Variants in MGAT4A observed in about 807,000 individuals in gnomAD.
The protein encoded by MGAT4A is N-acetylglucosaminyltransferase IVa.
MGAT4A carries 33 observed loss-of-function variants against 74.1 expected under a neutral mutation model. That is an observed-to-expected ratio of 0.45 (90% confidence interval 0.34 to 0.60). MGAT4A has a LOEUF of 0.60. Ranked by LOEUF, MGAT4A falls within the 20% of genes least tolerant of loss-of-function variation. The probability of loss-of-function intolerance (pLI) is 0.02; values close to 1 mark genes in which losing one functional copy is unlikely to be tolerated. For missense variants in MGAT4A, 479 were observed against 628.3 expected, an observed-to-expected ratio of 0.76 and a Z score of 2.54; for synonymous variants, 198 against 210.4, an observed-to-expected ratio of 0.94 and a Z score of 0.51.
chr2:98,651,235 G>C (rs1701574841), intron 8 of MGAT4A, among the ~76,000 whole-genome samples: 1 of 152,118 alleles, frequency 6.6e-6, no homozygotes, highest in Admixed American at 6.6e-5. Flanking sequence ...AAACTCCCTG[G>C]TAAAGGTAAA....
At position 98,621,850 on chromosome 2, in the gene MGAT4A, CCTT is replaced by C. The variant is rs1196801414; in HGVS notation, c.*3713_*3715del. On this transcript the variant is annotated 3_prime_UTR_variant, in exon 16 of 16. Coordinates refer to ENST00000393487, the MANE Select transcript of MGAT4A (RefSeq NM_012214.3). The stretch of plus-strand genomic sequence containing the variant: ...GCTTATAGTTTTAAAAATAACAACA[CCTT>C]CTAATTATTGACTAGTGCAACCACT... The C allele has an allele frequency of 2.0e-6, 2 of 1,021,600 alleles. No individual in the cohort carries two copies. The highest frequency in any genetic ancestry group is 9.4e-5 in the East Asian group (1 of 10,634). 63.3% of individuals were successfully genotyped at this position (1,021,600 alleles called of 1,614,324 possible).
At chr2:98,711,569 C>T (rs765171856) in intron 2 of MGAT4A, among the ~76,000 whole-genome samples, 11 of 151,692 alleles carry the variant, frequency 7.3e-5, no homozygotes, top group Non-Finnish European at 1.6e-4. Context: ...GGTAGTTTTA[C>T]AATATTTGTG....
chr2:98,678,656 T>C (rs989097761), intron 2 of MGAT4A, among the ~76,000 whole-genome samples, 185 bp from the exon 3 acceptor site: 2 of 152,186 alleles, frequency 1.3e-5, no homozygotes, highest in Non-Finnish European at 2.9e-5. Context: ...CTCTTATTAT[T>C]TGTAAGAATG....
intron 2 of MGAT4A, among the ~76,000 whole-genome samples, chr2:98,707,887 C>A (rs1163137215): frequency 6.6e-6 from 1 of 152,206 alleles, no homozygotes; most frequent in Non-Finnish European, 1.5e-5. Flanking sequence ...TTAATCCAAA[C>A]AGTGAGACAT....
intron 5 of MGAT4A, among the ~76,000 whole-genome samples, chr2:98,658,964 T>G (rs1173535060): frequency 6.6e-6 from 1 of 152,244 alleles, no homozygotes; most frequent in African/African-American, 2.4e-5. Flanking sequence ...ATTTACTGAA[T>G]GCCTACTCTA....
At chr2:98,729,228 C>T (rs913364834) in intron 1 of MGAT4A, among the ~76,000 whole-genome samples, 15 of 151,322 alleles carry the variant, frequency 9.9e-5, no homozygotes, top group Non-Finnish European at 1.8e-4. Context: ...ACAATAAATT[C>T]TACTAGCAAA....
chr2:98,678,753 A>G (rs1158302818), intron 2 of MGAT4A, among the ~76,000 whole-genome samples: 1 of 152,198 alleles, frequency 6.6e-6, no homozygotes, highest in Non-Finnish European at 1.5e-5. Context: ...GATGGATAAA[A>G]TGATAAAAGG....
At position 98,624,139 on chromosome 2, in the gene MGAT4A, A is replaced by G. The variant is rs1276727438; in HGVS notation, c.*1427T>C. On this transcript the variant is annotated 3_prime_UTR_variant, in exon 16 of 16. Coordinates refer to ENST00000393487, the MANE Select transcript of MGAT4A (RefSeq NM_012214.3). ...GCCATTCTCCTGCCTCAGCCTCCCA[A>G]GTAGCTGGGATTACAGGCACCTGCC... 1 of 642,606 alleles carries G rather than the reference A, an allele frequency of 1.6e-6. No individual in the cohort carries two copies. Among genetic ancestry groups the G allele is most frequent in the African/African-American group, 2.0e-5 (1 of 50,422 alleles). 39.8% of individuals were successfully genotyped at this position (642,606 alleles called of 1,614,324 possible).
chr2:98,623,557 T>C lies in MGAT4A; in HGVS notation c.*2009A>G. On this transcript the variant is annotated 3_prime_UTR_variant, in exon 16 of 16. Transcript: ENST00000393487. Reference sequence around the variant, plus strand: ...TTGAATGAAATTTGCTCATGGGCACTGGGCCAAGGAAATTTGAGAAGAAAA... The same window carrying C: ...TTGAATGAAATTTGCTCATGGGCACCGGGCCAAGGAAATTTGAGAAGAAAA... 1.0e-6 allele frequency: 1 copy of C among 985,400 alleles called. No homozygotes were observed. The highest frequency in any genetic ancestry group is 6.1e-5 in the Admixed American group (1 of 16,280). The allele number at this position is 985,400 out of a possible 1,614,324, so 61.0% of individuals were successfully genotyped here.
chr2:98,631,567 G>A (rs760868928), intron 14 of MGAT4A, among the ~76,000 whole-genome samples: 2 of 152,228 alleles, frequency 1.3e-5, no homozygotes, highest in African/African-American at 2.4e-5. Context: ...ACGGGCGGGC[G>A]GAAGAGCACA....
Position 98,656,378 on chromosome 2 carries a change from T to C in MGAT4A, c.672A>G (p.Thr224=), listed in dbSNP as rs113150612. The part of the protein sequence containing the change: ...YYPDLTNLKE[T]FGDSKERVRW... ...TTACTCTTTCTTTGGAGTCTCCAAATGTCTCCTTTAGGTTTGTCAAGTCAG... is the reference window on the plus strand; with the variant it reads ...TTACTCTTTCTTTGGAGTCTCCAAACGTCTCCTTTAGGTTTGTCAAGTCAG... Residue 224 remains threonine, a synonymous_variant, in exon 7 of 16, where the codon ACA becomes ACG. Coordinates refer to ENST00000393487, the MANE Select transcript of MGAT4A (RefSeq NM_012214.3). 1.2e-6 allele frequency: 2 copies of C among 1,608,216 alleles called. No individual in the cohort carries two copies. Among genetic ancestry groups the C allele is most frequent in the African/African-American group, 1.3e-5 (1 of 74,754 alleles).
chr2:98,729,542 C>CA (rs1421628565), intron 1 of MGAT4A, among the ~76,000 whole-genome samples: 2 of 152,002 alleles, frequency 1.3e-5, no homozygotes, highest in Non-Finnish European at 2.9e-5. Context: ...TTAACAACAA[C>CA]AAAAAAAGGT....
chr2:98,726,419 A>G lies in MGAT4A; in HGVS notation c.-87T>C. On this transcript the variant is annotated 5_prime_UTR_variant, in exon 2 of 16. Transcript: ENST00000393487. Reference sequence around the variant, plus strand: ...TTTACCCTGAAAGTCAACTGAATGCAGTACTCCTGGCTCTAGGCCAATAAA... The same window carrying G: ...TTTACCCTGAAAGTCAACTGAATGCGGTACTCCTGGCTCTAGGCCAATAAA... The G allele has an allele frequency of 9.3e-7, 1 of 1,073,078 alleles. No homozygotes were observed. The allele number at this position is 1,073,078 out of a possible 1,614,324, so 66.5% of individuals were successfully genotyped here. A position where few individuals can be genotyped will look rare whatever the true frequency, so the allele number is the denominator to read the frequency against.
intron 14 of MGAT4A, among the ~76,000 whole-genome samples, chr2:98,632,716 C>G (rs1701259026): frequency 6.6e-6 from 1 of 152,170 alleles, no homozygotes; most frequent in Non-Finnish European, 1.5e-5. Flanking sequence ...GGAGTGACAC[C>G]TTGCTTTAGG....
At chr2:98,630,326 A>G (rs1299674375) in intron 14 of MGAT4A, among the ~76,000 whole-genome samples, 1 of 152,258 alleles carries the variant, frequency 6.6e-6, no homozygotes, top group Non-Finnish European at 1.5e-5. Context: ...GGAAGAAACC[A>G]AACTGTAGAC....
At chr2:98,680,416 T>C (rs1011374233) in intron 2 of MGAT4A, among the ~76,000 whole-genome samples, 1 of 152,230 alleles carries the variant, frequency 6.6e-6, no homozygotes, top group Non-Finnish European at 1.5e-5. Context: ...AACAGACTTA[T>C]GAAAAATGAA....
At chr2:98,697,633 T>G (rs1702295626) in intron 2 of MGAT4A, among the ~76,000 whole-genome samples, 1 of 152,256 alleles carries the variant, frequency 6.6e-6, no homozygotes, top group Non-Finnish European at 1.5e-5. Flanking sequence ...TCTCTCTGTC[T>G]TTGCAGCTTC....
intron 2 of MGAT4A, chr2:98,725,949 A>G (rs1559178197): frequency 2.4e-6 from 1 of 408,870 alleles, no homozygotes; most frequent in East Asian, 3.4e-5. Context: ...TGCCAAAACG[A>G]AAGTCTTTAT....
At position 98,672,280 on chromosome 2, in the gene MGAT4A, TG is replaced by T. The variant is rs1701921402; in HGVS notation, c.403+2754del. Among the ~76,000 whole-genome samples the T allele has an allele frequency of 3.3e-5, 5 of 152,300 alleles. No homozygotes were observed. The South Asian group carries it at 1.0e-3, about 32-fold the overall frequency. ...GTAATTAAAGTTATAATTATACAGTTGTTTGTATAATTGACTATGTGACTAA... is the reference window on the plus strand; with the variant it reads ...GTAATTAAAGTTATAATTATACAGTTTTTGTATAATTGACTATGTGACTAA... On this transcript the variant is annotated intron_variant, in intron 4 of 15. Coordinates refer to ENST00000393487, the MANE Select transcript of MGAT4A (RefSeq NM_012214.3).
Sources: allele counts gnomAD v4.1 joint callset (sites outside exome capture counted in the v4.1 genomes callset), GRCh38; gene constraint gnomAD v4.1.1; transcripts MANE v1.5; gene names NCBI Gene and HGNC (gene_info 2026-07-23, HGNC 2026-07-21).